Variants in PIK3C2B observed in about 807,000 individuals in gnomAD.
PIK3C2B encodes phosphatidylinositol 4-phosphate 3-kinase C2 domain-containing subunit beta.
Under a neutral mutation model 184.3 loss-of-function variants are expected in PIK3C2B, and 83 were observed. That is an observed-to-expected ratio of 0.45 (90% CI 0.38 to 0.54). PIK3C2B has a LOEUF of 0.54. PIK3C2B is among the 20% of genes least tolerant of loss of function. The pLI, the probability that PIK3C2B is intolerant of heterozygous loss-of-function variation, is 0.00. For synonymous variants in PIK3C2B, 779 were observed against 837.6 expected (o/e 0.93, Z 1.21); for missense variants, 1,736 against 2,113.5 (o/e 0.82, Z 3.50).
chr1:204,437,439 G>A (rs959395160), intron 23 of PIK3C2B, among the ~76,000 whole-genome samples: 17 of 152,166 alleles, frequency 1.1e-4, no homozygotes, highest in African/African-American at 3.9e-4. Context: ...AGGTTGCAGT[G>A]AGCCAAGCTC....
Position 204,427,741 on chromosome 1 carries a change from G to A in PIK3C2B, c.4494C>T (p.Ala1498=). ...CCCCTCCCACCTTTCCGACGGGCCGGGCCCATGTGCCATCTGTAGGGACAA... is the reference window on the plus strand; with the variant it reads ...CCCCTCCCACCTTTCCGACGGGCCGAGCCCATGTGCCATCTGTAGGGACAA... ...PAPKSSDGTW[A]RPVGKVGGEV... The change falls in exon 31 of 33, where the codon GCC becomes GCT. Residue 1498 remains alanine (A), a synonymous_variant. Transcript: ENST00000684373. The A allele has an allele frequency of 1.9e-6, 3 of 1,613,492 alleles. No homozygotes were observed. The highest frequency in any genetic ancestry group is 3.3e-4 in the Middle Eastern group (2 of 6,060).
At chr1:204,480,672 G>A (rs574928625) in intron 1 of PIK3C2B, among the ~76,000 whole-genome samples, 2 of 152,084 alleles carry the variant, frequency 1.3e-5, no homozygotes, top group Admixed American at 1.3e-4. Flanking sequence ...CAATGGGCAG[G>A]GCCAGGCTGT....
At chr1:204,429,817 C>T in intron 29 of PIK3C2B, 104 bp downstream of exon 29, 1 of 757,636 alleles carries the variant, frequency 1.3e-6, no homozygotes, top group Non-Finnish European at 2.3e-6. Flanking sequence ...CCCGAAGTGC[C>T]AAGTCCTGTT....
At chr1:204,487,751 G>A (rs1186148070) in intron 1 of PIK3C2B, among the ~76,000 whole-genome samples, 1 of 152,024 alleles carries the variant, frequency 6.6e-6, no homozygotes, top group Admixed American at 6.6e-5. Context: ...GCCTAAGACT[G>A]TATATATATA....
intron 1 of PIK3C2B, chr1:204,489,766 A>G: frequency 2.5e-6 from 1 of 395,868 alleles, no homozygotes; most frequent in Non-Finnish European, 4.4e-6. Flanking sequence ...CATCATTACT[A>G]CTATCTGGGC....
At chr1:204,442,745 G>A in intron 19 of PIK3C2B, 112 bp from the exon 20 acceptor site, 1 of 674,808 alleles carries the variant, frequency 1.5e-6, no homozygotes, top group Non-Finnish European at 2.6e-6. Context: ...ACCACCCCCT[G>A]AGAAGTGTGG....
At chr1:204,438,474 C>A (rs1159921570) in intron 23 of PIK3C2B, among the ~76,000 whole-genome samples, 1 of 152,206 alleles carries the variant, frequency 6.6e-6, no homozygotes, top group Admixed American at 6.5e-5. Flanking sequence ...CACATATCAG[C>A]TCCATAACTA....
Position 204,460,348 on chromosome 1 carries a change from C to A in PIK3C2B, c.1478G>T (p.Arg493Met). ...TLNYLVHLQE[R>M]PVKQTISRQA... ...CCTGCTGATGGTCTGCTTGACAGGC[C>A]TCTCTTGGAGATGGACGAGGTAGTT... Residue 493 changes from arginine to methionine, a missense_variant, in exon 7 of 33, where the codon AGG becomes ATG. By Grantham distance (91) the Arg-to-Met change is moderately conservative. Around this residue, in one of 8 missense-constraint regions of PIK3C2B, gnomAD observed 609 missense variants for 699.2 expected, o/e 0.87. Coordinates refer to ENST00000684373, the MANE Select transcript of PIK3C2B (RefSeq NM_001377334.1). 1 of 1,614,012 alleles carries A rather than the reference C, an allele frequency of 6.2e-7. No individual in the cohort carries two copies. Among genetic ancestry groups the A allele is most frequent in the Non-Finnish European group, 8.5e-7 (1 of 1,179,898 alleles).
intron 1 of PIK3C2B, among the ~76,000 whole-genome samples, chr1:204,474,247 C>A (rs1344926881): frequency 6.6e-6 from 1 of 152,072 alleles, no homozygotes; most frequent in Non-Finnish European, 1.5e-5. Context: ...CGCCTCGGCC[C>A]CCCAAAGTGC....
At position 204,424,633 on chromosome 1, in the gene PIK3C2B, C is replaced by T. The variant is rs375286871; in HGVS notation, c.*219G>A. On this transcript the variant is annotated 3_prime_UTR_variant, in exon 33 of 33. Coordinates refer to ENST00000684373, the MANE Select transcript of PIK3C2B (RefSeq NM_001377334.1). ...CTGCAACCTCACAGCCTCCAAGGGG[C>T]TGCTCATCACAACCAACCCAAGTTC... 5.5e-6 allele frequency: 4 copies of T among 726,724 alleles called. No individual in the cohort carries two copies. Among genetic ancestry groups the T allele is most frequent in the African/African-American group, 5.2e-5 (3 of 58,024 alleles). 45.0% of individuals were successfully genotyped at this position (726,724 alleles called of 1,614,324 possible). A position where few individuals can be genotyped will look rare whatever the true frequency, so the allele number is the denominator to read the frequency against.
chr1:204,436,251 T>C (rs1675335595), intron 23 of PIK3C2B, among the ~76,000 whole-genome samples: 1 of 152,194 alleles, frequency 6.6e-6, no homozygotes, highest in Admixed American at 6.5e-5. Context: ...CCAGCATTGC[T>C]GGGGGTGGTG....
intron 12 of PIK3C2B, among the ~76,000 whole-genome samples, chr1:204,453,063 T>C (rs891807448): frequency 3.3e-5 from 5 of 152,174 alleles, no homozygotes; most frequent in Non-Finnish European, 7.3e-5. Flanking sequence ...TCTTCCAGCA[T>C]CTCCAGATTC....
At chr1:204,481,788 AG>A (rs1657171780) in intron 1 of PIK3C2B, among the ~76,000 whole-genome samples, 1 of 152,186 alleles carries the variant, frequency 6.6e-6, no homozygotes, top group South Asian at 2.1e-4. Context: ...GCCTTCTGGC[AG>A]GCCCCCCAGG....
rs1210175628 is a variant in PIK3C2B, at chr1:204,447,423, G to A, written c.2489+13C>T. 1.9e-6 allele frequency: 3 copies of A among 1,610,422 alleles called. No individual in the cohort carries two copies. The highest frequency in any genetic ancestry group is 2.2e-5 in the East Asian group (1 of 44,804). On this transcript the variant is annotated intron_variant, in intron 15 of 32. Coordinates refer to ENST00000684373, the MANE Select transcript of PIK3C2B (RefSeq NM_001377334.1). The surrounding 1 kb of genome is among the most constrained non-coding windows in gnomAD (Gnocchi z 4.1). The stretch of plus-strand genomic sequence containing the variant: ...ATGAAACATGACAGATTCAGTGGGG[G>A]CCCGGGTCTCACCAGTACAAGGACT...
At chr1:204,465,929 A>G (rs1340825925) in intron 2 of PIK3C2B, among the ~76,000 whole-genome samples, 1 of 152,216 alleles carries the variant, frequency 6.6e-6, no homozygotes, top group Admixed American at 6.5e-5. Flanking sequence ...AGGACCTGGT[A>G]GAAGCTTGGC....
intron 23 of PIK3C2B, among the ~76,000 whole-genome samples, chr1:204,436,919 A>C (rs1022609239): frequency 1.3e-5 from 2 of 152,202 alleles, no homozygotes; most frequent in Admixed American, 6.5e-5. Flanking sequence ...TGAAATGTAT[A>C]GCATAGAGTG....
Position 204,469,026 on chromosome 1 carries a change from G to A in PIK3C2B, c.777C>T (p.Gly259=). 1 of 1,614,178 alleles carries A rather than the reference G, an allele frequency of 6.2e-7. No individual in the cohort carries two copies. Among genetic ancestry groups the A allele is most frequent in the Non-Finnish European group, 8.5e-7 (1 of 1,180,028 alleles). The change falls in exon 2 of 33, where the codon GGC becomes GGT. Residue 259 remains glycine (G), a synonymous_variant. Transcript: ENST00000684373. ...LRDATRGWKE[G]RGPLDFSKDT... ...CTTTGCTGAAGTCCAGCGGCCCTCG[G>A]CCCTCCTTCCAGCCCCTGGTGGCAT...
intron 1 of PIK3C2B, among the ~76,000 whole-genome samples, chr1:204,478,017 G>A (rs983755941): frequency 7.9e-5 from 12 of 152,066 alleles, no homozygotes; most frequent in East Asian, 3.9e-4. Context: ...CAAGCAAGGC[G>A]GTGAAGAATA....
chr1:204,444,295 G>A (rs1265138135), intron 17 of PIK3C2B, 36 bp downstream of exon 17: 2 of 1,561,980 alleles, frequency 1.3e-6, no homozygotes, highest in South Asian at 2.2e-5. Context: ...CTGGGGATGG[G>A]ACCAGCAAAA....
Sources: gnomAD v4.1 joint callset for allele counts (sites outside exome capture counted in the v4.1 genomes callset) on GRCh38, gnomAD v4.1.1 for gene constraint, gnomAD v4.1.1 regional missense constraint, Gnocchi (gnomAD v3.1) non-coding constraint, MANE v1.5 for transcripts, NCBI Gene and HGNC (gene_info 2026-07-23, HGNC 2026-07-21) for gene names.